The following SKAP1 variants were observed in gnomAD, a reference collection of about 807,000 sequenced individuals.
The protein encoded by SKAP1 is src kinase-associated phosphoprotein 1.
A neutral mutation model predicts 58.5 loss-of-function variants in SKAP1; 44 were observed. The ratio of observed to expected loss-of-function variants is 0.75; its 90% CI spans 0.59 to 0.97. SKAP1 has a LOEUF of 0.97. SKAP1 is among the 50% of genes least tolerant of loss of function. The pLI is 0.00. For synonymous variants in SKAP1, 127 were observed against 149.7 expected (o/e 0.85, Z 1.11); for missense variants, 390 against 435.2 (o/e 0.90, Z 0.92).
At chr17:48,304,111 A>C (rs2066102481) in intron 4 of SKAP1, among the ~76,000 whole-genome samples, 1 of 152,228 alleles carries the variant, frequency 6.6e-6, no homozygotes. Flanking sequence ...GATTTGCTAC[A>C]TCTAATGTAA....
At chr17:48,276,455 T>C (rs1028849203) in intron 4 of SKAP1, among the ~76,000 whole-genome samples, 3 of 152,224 alleles carry the variant, frequency 2.0e-5, no homozygotes, top group African/African-American at 7.2e-5. Flanking sequence ...TTCCACTGGA[T>C]TATTAGTTCC....
chr17:48,143,699 G>A (rs1054163173), intron 11 of SKAP1, among the ~76,000 whole-genome samples: 61 of 152,332 alleles, frequency 4.0e-4, no homozygotes, highest in African/African-American at 1.4e-3. Context: ...CAGGCAGAGA[G>A]TGGGCAGTGT....
intron 4 of SKAP1, among the ~76,000 whole-genome samples, chr17:48,262,413 G>A (rs1398131491): frequency 2.6e-5 from 4 of 152,200 alleles, no homozygotes; most frequent in Non-Finnish European, 5.9e-5. Flanking sequence ...TGGTTTTTTG[G>A]GGGGGAAGTT....
chr17:48,273,226 A>G (rs2065656247), intron 4 of SKAP1, among the ~76,000 whole-genome samples: 1 of 152,178 alleles, frequency 6.6e-6, no homozygotes, highest in African/African-American at 2.4e-5. Context: ...AACATTTTGC[A>G]TCAATCTGAA....
chr17:48,243,364 G>C (rs2065261750), intron 4 of SKAP1, among the ~76,000 whole-genome samples: 1 of 152,092 alleles, frequency 6.6e-6, no homozygotes, highest in Admixed American at 6.6e-5. Flanking sequence ...TCTTCCCTTT[G>C]TTCTATAAAT....
chr17:48,158,406 A>G (rs1210326613), intron 11 of SKAP1, among the ~76,000 whole-genome samples: 2 of 149,178 alleles, frequency 1.3e-5, no homozygotes, highest in African/African-American at 2.5e-5. Flanking sequence ...GAAAAAAAAA[A>G]AAAGAAAAGA....
At chr17:48,444,318 AG>A in the SKAP1 span, among the ~76,000 whole-genome samples, 15 of 152,134 alleles carry the variant, frequency 9.9e-5, no homozygotes, top group Non-Finnish European at 2.2e-4. Flanking sequence ...TTGAACCAGG[AG>A]GCGGAGGTTG....
chr17:48,167,880 G>A (rs889304253), intron 10 of SKAP1, among the ~76,000 whole-genome samples: 2 of 152,122 alleles, frequency 1.3e-5, no homozygotes, highest in Admixed American at 1.3e-4. Flanking sequence ...TTTCATGATA[G>A]GGAAAGGTGA....
intron 4 of SKAP1, among the ~76,000 whole-genome samples, chr17:48,207,763 C>G (rs970731311): frequency 6.6e-6 from 1 of 152,052 alleles, no homozygotes; most frequent in African/African-American, 2.4e-5. Flanking sequence ...GTCAGAAGCC[C>G]AGGGTATAAA....
chr17:48,221,454 T>C (rs2065005606), intron 4 of SKAP1, among the ~76,000 whole-genome samples: 1 of 152,318 alleles, frequency 6.6e-6, no homozygotes, highest in African/African-American at 2.4e-5. Flanking sequence ...AGTTTCTCCT[T>C]GAGTAAAGTT....
At chr17:48,408,220 TTGAAAATCTCAA>T (rs1236952466) in intron 1 of SKAP1, among the ~76,000 whole-genome samples, 1 of 152,078 alleles carries the variant, frequency 6.6e-6, no homozygotes, top group African/African-American at 2.4e-5. Flanking sequence ...GCAAATAAAT[TTGAAAATCTCAA>T]TGAAAAGTTG....
At chr17:48,241,658 C>T (rs2065245333) in intron 4 of SKAP1, among the ~76,000 whole-genome samples, 2 of 152,142 alleles carry the variant, frequency 1.3e-5, no homozygotes, top group Non-Finnish European at 2.9e-5. Flanking sequence ...GATCTAAAAC[C>T]ATGCTTAAAA....
intron 4 of SKAP1, among the ~76,000 whole-genome samples, chr17:48,314,119 A>T (rs1005185279): frequency 1.3e-5 from 2 of 152,232 alleles, no homozygotes. Flanking sequence ...AGACTGTTGA[A>T]AAAGAAAGAT....
intron 4 of SKAP1, among the ~76,000 whole-genome samples, chr17:48,314,792 C>T (rs1330715682): frequency 6.6e-6 from 1 of 152,152 alleles, no homozygotes; most frequent in Non-Finnish European, 1.5e-5. Context: ...AATGCCTGAT[C>T]TCAACTCCCA....
chr17:48,286,751 T>G (rs1429271192), intron 4 of SKAP1, among the ~76,000 whole-genome samples: 3 of 152,250 alleles, frequency 2.0e-5, no homozygotes, highest in Non-Finnish European at 2.9e-5. Flanking sequence ...ATCAGCTTAC[T>G]AGTTGCTTCC....
At chr17:48,395,932 C>T (rs1412297906) in intron 2 of SKAP1, among the ~76,000 whole-genome samples, 1 of 152,106 alleles carries the variant, frequency 6.6e-6, no homozygotes, top group African/African-American at 2.4e-5. Flanking sequence ...CCAACCATAA[C>T]CCTGCAGATG....
chr17:48,202,889 T>C (rs1247938913), intron 4 of SKAP1, among the ~76,000 whole-genome samples: 1 of 152,210 alleles, frequency 6.6e-6, no homozygotes. Context: ...TGCTACACTG[T>C]GGTTGGATGC....
At position 48,376,499 on chromosome 17, in the gene SKAP1, T is replaced by G. The variant is rs78035571; in HGVS notation, c.153-12685A>C. ...CCTCCTTGGAAAAACTCGGCTATCA[T>G]GCCTTTGATATTTTCCTTGTTATGA... On this transcript the variant is annotated intron_variant, in intron 2 of 12. Transcript: ENST00000336915. Among the ~76,000 whole-genome samples, 551 of 152,352 alleles carry G rather than the reference T, an allele frequency of 3.6e-3. 4 individuals carry two copies. The highest frequency in any genetic ancestry group is 0.013 in the African/African-American group (538 of 41,584).
rs373548020 is a variant in SKAP1 at position 48,137,270 on chromosome 17, T to C, written c.1046A>G (p.Tyr349Cys). 5 of 1,613,742 alleles carry C rather than the reference T, an allele frequency of 3.1e-6. No individual in the cohort carries two copies. In the African/African-American group the frequency reaches 6.7e-5, roughly 22 times the overall value. Reference sequence around the variant, plus strand: ...TTCCACTTCAAAGGCAGTGGTGAGATACTCCTTTGGAACAATCCCAACGAG... The same window carrying C: ...TTCCACTTCAAAGGCAGTGGTGAGACACTCCTTTGGAACAATCCCAACGAG... Reference protein sequence around the residue: ...NSLVGIVPKEYLTTAFEVEER With the variant: ...NSLVGIVPKECLTTAFEVEER Residue 349 changes from tyrosine to cysteine, a missense_variant, in exon 12 of 13, where the codon TAT (tyrosine) becomes TGT (cysteine). Physicochemically the swap from Tyr to Cys is radical, Grantham distance 194. Coordinates refer to ENST00000336915, the MANE Select transcript of SKAP1 (RefSeq NM_003726.4).
Sources: allele counts gnomAD v4.1 joint callset (sites outside exome capture counted in the v4.1 genomes callset), GRCh38; gene constraint gnomAD v4.1.1; transcripts MANE v1.5; gene names NCBI Gene and HGNC (gene_info 2026-07-23, HGNC 2026-07-21).